Variants in RANBP2 observed in about 807,000 individuals in gnomAD.
The protein encoded by RANBP2 is RAN binding protein 2.
A neutral mutation model predicts 303.6 loss-of-function variants in RANBP2; 57 were observed. The ratio of observed to expected loss-of-function variants is 0.19; its 90% CI spans 0.15 to 0.23. The LOEUF is 0.23. Ranked by LOEUF, RANBP2 falls within the 10% of genes least tolerant of loss-of-function variation. The pLI, the probability that RANBP2 is intolerant of heterozygous loss-of-function variation, is 1.00. For synonymous variants in RANBP2, 1,167 were observed against 1,301.5 expected, an observed-to-expected ratio of 0.90 and a Z score of 2.23; for missense variants, 3,138 against 3,780.8, an observed-to-expected ratio of 0.83 and a Z score of 4.46.
the RANBP2 span, among the ~76,000 whole-genome samples, chr2:109,411,488 C>T: frequency 6.6e-6 from 1 of 152,220 alleles, no homozygotes; most frequent in Non-Finnish European, 1.5e-5. Context: ...CCCCTCCCAC[C>T]TTGGCCACCA....
intron 7 of RANBP2, among the ~76,000 whole-genome samples, chr2:108,744,295 T>C (rs1049419417): frequency 1.3e-5 from 2 of 152,100 alleles, no homozygotes; most frequent in African/African-American, 4.8e-5. Context: ...TCCCAGCTAC[T>C]TGAGAGGCCG....
chr2:109,425,115 A>G, the RANBP2 span, among the ~76,000 whole-genome samples: 1 of 152,350 alleles, frequency 6.6e-6, no homozygotes, highest in South Asian at 2.1e-4. Flanking sequence ...GATCAAACCA[A>G]CTGCAACATT....
chr2:109,669,387 G>A, the RANBP2 span, among the ~76,000 whole-genome samples: 3 of 152,054 alleles, frequency 2.0e-5, no homozygotes, highest in Admixed American at 6.6e-5. Context: ...GAAAGGAGAC[G>A]ACACACAGGA....
chr2:109,497,049 C>G, the RANBP2 span, among the ~76,000 whole-genome samples: 8 of 152,300 alleles, frequency 5.3e-5, no homozygotes, highest in East Asian at 1.4e-3. Flanking sequence ...CAGGAGGAAC[C>G]AGCCTTGCAG....
At chr2:108,843,879 T>TGTGTGTGTGTGTGTGTG in the RANBP2 span, among the ~76,000 whole-genome samples, 2 of 126,282 alleles carry the variant, frequency 1.6e-5, no homozygotes, top group African/African-American at 5.4e-5. Flanking sequence ...TGTGTGTGTG[T>TGTGTGTGTGTGTGTGTG]TTCTTTCTTT....
chr2:108,808,881 A>T, the RANBP2 span, among the ~76,000 whole-genome samples: 2 of 152,084 alleles, frequency 1.3e-5, no homozygotes, highest in Non-Finnish European at 2.9e-5. Flanking sequence ...TCTTATCCAT[A>T]GTATCTTTGC....
the RANBP2 span, among the ~76,000 whole-genome samples, chr2:109,489,645 C>G: frequency 0.03 from 4,579 of 151,740 alleles, 222 homozygotes; most frequent in African/African-American, 0.1. Context: ...AATGGCATCA[C>G]TGGCCTGCCC....
the RANBP2 span, among the ~76,000 whole-genome samples, chr2:109,550,965 G>A: frequency 6.6e-6 from 1 of 152,174 alleles, no homozygotes; most frequent in East Asian, 1.9e-4. Context: ...ATCAAATTGG[G>A]TAGTAATAAT....
the RANBP2 span, among the ~76,000 whole-genome samples, chr2:109,296,221 C>CTATTATTATTATTAT: frequency 9.3e-5 from 14 of 151,324 alleles, no homozygotes; most frequent in African/African-American, 3.2e-4. Flanking sequence ...ACAGAATGAC[C>CTATTATTATTATTAT]TAGTATTATT....
At chr2:108,956,590 T>C in the RANBP2 span, among the ~76,000 whole-genome samples, 1 of 152,208 alleles carries the variant, frequency 6.6e-6, no homozygotes, top group African/African-American at 2.4e-5. Context: ...GTTAGATGGT[T>C]GACTGACAGT....
chr2:109,041,155 A>G, the RANBP2 span, among the ~76,000 whole-genome samples: 1 of 152,226 alleles, frequency 6.6e-6, no homozygotes, highest in African/African-American at 2.4e-5. Context: ...TTTTTAAAAT[A>G]TTGACTTCTA....
the RANBP2 span, among the ~76,000 whole-genome samples, chr2:109,010,805 G>C: frequency 3.9e-5 from 6 of 152,156 alleles, no homozygotes; most frequent in African/African-American, 1.4e-4. Context: ...CCATCTTTTT[G>C]TTTCCATAGA....
chr2:109,514,068 A>G, the RANBP2 span, among the ~76,000 whole-genome samples: 8 of 152,180 alleles, frequency 5.3e-5, no homozygotes, highest in African/African-American at 1.9e-4. Flanking sequence ...TAATGTGGGC[A>G]TGTTCCCACG....
At chr2:109,613,921 C>G in the RANBP2 span, 41 of 1,218,580 alleles carry the variant, frequency 3.4e-5, no homozygotes, top group Non-Finnish European at 4.0e-5. Flanking sequence ...AGGGCAGAAG[C>G]AACGGGCGGG....
chr2:108,778,591 T>G (rs1489042584), intron 25 of RANBP2, among the ~76,000 whole-genome samples: 1 of 152,254 alleles, frequency 6.6e-6, no homozygotes, highest in African/African-American at 2.4e-5. Context: ...CAAATACTTT[T>G]ACAAGTGGGT....
At chr2:109,488,686 A>C in the RANBP2 span, among the ~76,000 whole-genome samples, 1 of 152,220 alleles carries the variant, frequency 6.6e-6, no homozygotes. Context: ...TGTGCCGCCA[A>C]CAAGAGTTCT....
chr2:109,150,338 T>C, the RANBP2 span, among the ~76,000 whole-genome samples: 43 of 152,178 alleles, frequency 2.8e-4, no homozygotes, highest in African/African-American at 9.9e-4. Flanking sequence ...CTGGAGAGGA[T>C]GGCCGAGGCA....
the RANBP2 span, among the ~76,000 whole-genome samples, chr2:109,290,748 C>T: frequency 2.0e-5 from 3 of 152,250 alleles, no homozygotes; most frequent in Non-Finnish European, 2.9e-5. Context: ...CTGTTACACC[C>T]ATACCTTTCC....
chr2:108,880,544 C>G, the RANBP2 span, among the ~76,000 whole-genome samples: 2 of 152,166 alleles, frequency 1.3e-5, no homozygotes, highest in Non-Finnish European at 2.9e-5. Context: ...GACAGGCTGA[C>G]TCTCTTGTTA....
Sources: gnomAD v4.1 joint callset for allele counts (sites outside exome capture counted in the v4.1 genomes callset) on GRCh38, gnomAD v4.1.1 for gene constraint, MANE v1.5 for transcripts, NCBI Gene and HGNC (gene_info 2026-07-23, HGNC 2026-07-21) for gene names.